The following LRP6 variants were observed in gnomAD, a reference collection of about 807,000 sequenced individuals.
The protein encoded by LRP6 is LDL receptor related protein 6.
A neutral mutation model predicts 184.1 loss-of-function variants in LRP6; 43 were observed. That is an observed-to-expected ratio of 0.23 (90% CI 0.18 to 0.30). LRP6 has a LOEUF of 0.30. Among genes scored for constraint, LRP6 ranks in the 10% least tolerant of loss-of-function variants. The pLI, the probability that LRP6 is intolerant of heterozygous loss-of-function variation, is 1.00. For synonymous variants in LRP6, 719 were observed against 684.9 expected (o/e 1.05, Z -0.78); for missense variants, 1,571 against 2,005.3 (o/e 0.78, Z 4.14).
At chr12:12,244,077 C>T (rs192690079) in intron 2 of LRP6, among the ~76,000 whole-genome samples, 185 bp downstream of exon 2, 3 of 152,160 alleles carry the variant, frequency 2.0e-5, no homozygotes, top group Non-Finnish European at 2.9e-5. Flanking sequence ...AAGCAAAAAC[C>T]CTGTCAAAAA....
intron 1 of LRP6, chr12:12,248,985 A>C: frequency 3.6e-6 from 2 of 549,098 alleles, no homozygotes; most frequent in East Asian, 6.3e-5. Flanking sequence ...CAACAGCAAC[A>C]CAAGGTGGCA....
At chr12:12,148,573 G>A (rs1950040632) in intron 14 of LRP6, among the ~76,000 whole-genome samples, 2 of 152,168 alleles carry the variant, frequency 1.3e-5, no homozygotes, top group Non-Finnish European at 2.9e-5. Context: ...AAATTGGAAA[G>A]GACTAAGTAT....
At chr12:12,229,601 T>C (rs1435040645) in intron 2 of LRP6, among the ~76,000 whole-genome samples, 1 of 152,224 alleles carries the variant, frequency 6.6e-6, no homozygotes, top group Non-Finnish European at 1.5e-5. Flanking sequence ...CTTAGAAACC[T>C]GTAGACACAT....
intron 2 of LRP6, among the ~76,000 whole-genome samples, chr12:12,207,722 G>C (rs186748589): frequency 1.8e-4 from 28 of 152,210 alleles, no homozygotes; most frequent in African/African-American, 6.5e-4. Context: ...GTCTGCATGT[G>C]TAACGCTACA....
intron 12 of LRP6, among the ~76,000 whole-genome samples, chr12:12,157,228 C>T (rs1460483369): frequency 6.6e-6 from 1 of 151,928 alleles, no homozygotes; most frequent in East Asian, 1.9e-4. Flanking sequence ...AGAGGTCATC[C>T]TTGCTTCCTC....
intron 1 of LRP6, among the ~76,000 whole-genome samples, chr12:12,257,867 T>TG (rs1374443822): frequency 1.4e-5 from 2 of 143,862 alleles, no homozygotes; most frequent in Admixed American, 7.2e-5. Flanking sequence ...CTCTGGAAGC[T>TG]GAGGCAGGAG....
rs775788996 is a variant in LRP6, at chr12:12,131,097, A to ATC, written c.3971-205_3971-204insGA. Among the ~76,000 whole-genome samples the ATC allele has an allele frequency of 6.3e-4, 49 of 78,198 alleles. 1 individual carries two copies. The highest frequency in any genetic ancestry group is 1.7e-3 in the African/African-American group (43 of 25,106). 51.3% of individuals were successfully genotyped at this position (78,198 alleles called of 152,430 possible). A position where few individuals can be genotyped will look rare whatever the true frequency, so the allele number is the denominator to read the frequency against. ...AAAATCCAGCAGGAAATTTCCTAACATTTTTTTTTTTTTTTTTTTTTTTTT... is the reference window on the plus strand; with the variant it reads ...AAAATCCAGCAGGAAATTTCCTAACATCTTTTTTTTTTTTTTTTTTTTTTTTT... On this transcript the variant is annotated intron_variant, in intron 18 of 22. Transcript: ENST00000261349.
At chr12:12,258,415 G>T (rs1369989320) in intron 1 of LRP6, among the ~76,000 whole-genome samples, 1 of 152,142 alleles carries the variant, frequency 6.6e-6, no homozygotes, top group Non-Finnish European at 1.5e-5. Context: ...AGAAATCTTT[G>T]TAATCGTTAC....
At chr12:12,153,243 C>T (rs947529698) in intron 12 of LRP6, among the ~76,000 whole-genome samples, 1 of 152,088 alleles carries the variant, frequency 6.6e-6, no homozygotes, top group Admixed American at 6.6e-5. Flanking sequence ...AATACTAGCC[C>T]TTTGGGAGGC....
intron 2 of LRP6, among the ~76,000 whole-genome samples, chr12:12,222,575 AAAAG>A (rs1002134140): frequency 8.0e-4 from 119 of 148,472 alleles, no homozygotes; most frequent in Non-Finnish European, 7.4e-4. Context: ...TCAAAAAAAA[AAAAG>A]AAAGAAAGAA....
chr12:12,192,431 T>C (rs1863642807), intron 3 of LRP6, among the ~76,000 whole-genome samples: 1 of 150,194 alleles, frequency 6.7e-6, no homozygotes, highest in South Asian at 2.1e-4. Context: ...AACCATATCA[T>C]TAATGACATT....
chr12:12,164,128 TAAAA>T, intron 9 of LRP6, 141 bp downstream of exon 9: 7 of 605,782 alleles, frequency 1.2e-5, no homozygotes, highest in South Asian at 2.0e-5. Context: ...AGACACCGTT[TAAAA>T]AAAAAAAAAA....
intron 2 of LRP6, among the ~76,000 whole-genome samples, chr12:12,216,881 C>T (rs1250839372): frequency 3.7e-5 from 5 of 134,800 alleles, no homozygotes; most frequent in African/African-American, 5.4e-5. Context: ...TATGTAATTT[C>T]CTTACTTTCA....
intron 19 of LRP6, among the ~76,000 whole-genome samples, chr12:12,128,832 T>C (rs1038946797): frequency 6.6e-6 from 1 of 152,218 alleles, no homozygotes; most frequent in African/African-American, 2.4e-5. Context: ...GTGGGTCAAC[T>C]TAAACTTATC....
At position 12,159,942 on chromosome 12, in the gene LRP6, C is replaced by T; in HGVS notation, c.2302G>A (p.Gly768Ser). ...GCTCTGTCTATCTTAGGTTTTCCAC[C>T]CCATTCAGTCCAATACATAAATCTA... The part of the protein sequence containing the change: ...AEGFMYWTEW[G>S]GKPKIDRAAM... Residue 768 changes from glycine (G) to serine (S), a missense_variant, in exon 11 of 23, where the codon GGT becomes AGT. Physicochemically the swap from Gly to Ser is moderately conservative, Grantham distance 56. This residue lies in a region of LRP6 where 158 missense variants were observed against 258.4 expected (regional missense o/e 0.61). Coordinates refer to ENST00000261349, the MANE Select transcript of LRP6 (RefSeq NM_002336.3). 3.7e-6 allele frequency: 6 copies of T among 1,612,156 alleles called. No individual in the cohort carries two copies. The highest frequency in any genetic ancestry group is 5.1e-6 in the Non-Finnish European group (6 of 1,178,842).
chr12:12,223,179 A>AC (rs1247254242), intron 2 of LRP6, among the ~76,000 whole-genome samples: 1 of 151,208 alleles, frequency 6.6e-6, no homozygotes, highest in African/African-American at 2.4e-5. Flanking sequence ...TTCATCAGAA[A>AC]AAAAAAAAAA....
chr12:12,137,705 C>T (rs1184212543), intron 16 of LRP6, among the ~76,000 whole-genome samples: 2 of 151,678 alleles, frequency 1.3e-5, no homozygotes, highest in East Asian at 3.9e-4. Flanking sequence ...TCAGTATTCC[C>T]AAAGGAACTG....
intron 15 of LRP6, chr12:12,138,932 C>G: frequency 7.3e-7 from 1 of 1,368,326 alleles, no homozygotes; most frequent in South Asian, 1.1e-5. Flanking sequence ...TCTCACCCCA[C>G]CTGGCTTCTC....
chr12:12,177,112 C>G (rs559387566), intron 7 of LRP6, among the ~76,000 whole-genome samples: 1 of 152,198 alleles, frequency 6.6e-6, no homozygotes. Flanking sequence ...TCCCAAAGTA[C>G]TGGGATTACA....
Sources: gnomAD v4.1 joint callset for allele counts (sites outside exome capture counted in the v4.1 genomes callset) on GRCh38, gnomAD v4.1.1 for gene constraint, gnomAD v4.1.1 regional missense constraint, MANE v1.5 for transcripts, NCBI Gene and HGNC (gene_info 2026-07-23, HGNC 2026-07-21) for gene names.